Variants in BLTP1 observed in about 807,000 individuals in gnomAD.
BLTP1 encodes the protein fragile site-associated protein.
the BLTP1 span, among the ~76,000 whole-genome samples, chr4:122,304,292 A>G: frequency 6.6e-6 from 1 of 152,028 alleles, no homozygotes; most frequent in African/African-American, 2.4e-5. Context: ...GCTCACTGCA[A>G]CCTCCGACTC....
chr4:122,254,046 G>A, the BLTP1 span: 2 of 657,476 alleles, frequency 3.0e-6, no homozygotes, highest in African/African-American at 1.8e-5. Flanking sequence ...AGTATATCTG[G>A]CAAAAATATC....
chr4:122,209,306 A>G, the BLTP1 span: 3 of 1,612,806 alleles, frequency 1.9e-6, no homozygotes. Context: ...GAAAACAGTT[A>G]AACCAAAATG....
chr4:122,234,915 A>G, the BLTP1 span: 5 of 1,613,694 alleles, frequency 3.1e-6, no homozygotes. Flanking sequence ...ACCTTCCAGT[A>G]GCTCTGCATT....
chr4:122,340,313 C>T, the BLTP1 span, among the ~76,000 whole-genome samples: 2 of 151,840 alleles, frequency 1.3e-5, no homozygotes, highest in Non-Finnish European at 2.9e-5. Flanking sequence ...TTGCATTAAG[C>T]GTGAAAAAAA....
chr4:122,205,606 C>T, the BLTP1 span, among the ~76,000 whole-genome samples: 1 of 128,402 alleles, frequency 7.8e-6, no homozygotes, highest in African/African-American at 3.0e-5. Context: ...AAAGTCTGTG[C>T]TATAATAATA....
the BLTP1 span, among the ~76,000 whole-genome samples, chr4:122,176,265 T>C: frequency 6.6e-6 from 1 of 151,676 alleles, no homozygotes; most frequent in Non-Finnish European, 1.5e-5. Context: ...ATCGTGCCAC[T>C]GCACTCCAGC....
chr4:122,290,221 A>G, the BLTP1 span, among the ~76,000 whole-genome samples: 1 of 152,288 alleles, frequency 6.6e-6, no homozygotes, highest in East Asian at 1.9e-4. Context: ...GAATTTTACA[A>G]GTTAGGTCTT....
At chr4:122,255,172 G>T in the BLTP1 span, 1 of 1,606,438 alleles carries the variant, frequency 6.2e-7, no homozygotes, top group Non-Finnish European at 8.5e-7. Context: ...AATACAACAG[G>T]CTTACAAAAG....
At chr4:122,207,790 T>C in the BLTP1 span, 1 of 1,057,910 alleles carries the variant, frequency 9.5e-7, no homozygotes, top group Non-Finnish European at 1.2e-6. Flanking sequence ...TGTCACAGAG[T>C]TCCTGTTGTT....
the BLTP1 span, chr4:122,347,899 C>CTAA: frequency 2.5e-6 from 1 of 401,874 alleles, no homozygotes; most frequent in Non-Finnish European, 4.2e-6. Context: ...TATGACACGT[C>CTAA]AAAAAAAAAA....
At chr4:122,255,278 A>G in the BLTP1 span, 1 of 1,588,632 alleles carries the variant, frequency 6.3e-7, no homozygotes, top group Non-Finnish European at 8.6e-7. Flanking sequence ...TGATGATGCT[A>G]CAATGGTAAG....
chr4:122,192,442 A>G, the BLTP1 span: 2 of 1,077,910 alleles, frequency 1.9e-6, no homozygotes, highest in Middle Eastern at 2.3e-4. Context: ...TATAATTTTA[A>G]ATAAAAGCTA....
At chr4:122,224,538 T>A in the BLTP1 span, 1 of 1,613,964 alleles carries the variant, frequency 6.2e-7, no homozygotes. Context: ...GAAGGTCACA[T>A]CAATTTGTCA....
At chr4:122,284,612 A>T in the BLTP1 span, among the ~76,000 whole-genome samples, 4 of 152,270 alleles carry the variant, frequency 2.6e-5, no homozygotes, top group South Asian at 8.3e-4. Context: ...CTGCTTATTC[A>T]TGTGTTTTGT....
chr4:122,238,179 A>C, the BLTP1 span: 2 of 1,614,042 alleles, frequency 1.2e-6, no homozygotes, highest in Non-Finnish European at 1.7e-6. Flanking sequence ...CTTAGTCTTC[A>C]AGTACCATTA....
At chr4:122,214,310 A>G in the BLTP1 span, 1 of 926,686 alleles carries the variant, frequency 1.1e-6, no homozygotes, top group South Asian at 5.0e-5. Flanking sequence ...AGAATTCTTA[A>G]GTAAATTGAA....
At chr4:122,316,310 A>C in the BLTP1 span, 2 of 429,310 alleles carry the variant, frequency 4.7e-6, no homozygotes, top group East Asian at 1.4e-4. Context: ...TCTTGGGAAG[A>C]AATTTTTTTA....
the BLTP1 span, chr4:122,277,592 T>A: frequency 1.1e-6 from 1 of 951,950 alleles, no homozygotes; most frequent in South Asian, 4.9e-5. Flanking sequence ...CTTTGCTTTA[T>A]ATCTGTACTA....
the BLTP1 span, chr4:122,309,599 C>CA: frequency 1.1e-6 from 1 of 875,368 alleles, no homozygotes; most frequent in Non-Finnish European, 1.7e-6. Flanking sequence ...TTTCTAGTTA[C>CA]AGGTAACAAA....
Sources: allele counts gnomAD v4.1 joint callset (sites outside exome capture counted in the v4.1 genomes callset), GRCh38; gene constraint gnomAD v4.1.1; transcripts MANE v1.5; gene names NCBI Gene and HGNC (gene_info 2026-07-23, HGNC 2026-07-21).